CGNL1: variants seen among roughly 807,000 people sequenced by gnomAD.
CGNL1 encodes cingulin like 1.
In CGNL1, 132 loss-of-function variants were observed where a neutral mutation model predicts 141.2. That is an observed-to-expected ratio of 0.93 (90% confidence interval 0.81 to 1.08). The LOEUF (loss-of-function observed/expected upper bound fraction) is 1.08, where lower values mean the gene tolerates loss of function less well. Among genes scored for constraint, CGNL1 ranks in the 50% least tolerant of loss-of-function variants. CGNL1 has a pLI of 0.00. For missense variants in CGNL1, 1,870 were observed against 1,588.6 expected, an observed-to-expected ratio of 1.18 and a Z score of -3.01; for synonymous variants, 690 against 622.1, an observed-to-expected ratio of 1.11 and a Z score of -1.63.
chr15:57,397,791 T>A (rs2062618499), intron 1 of CGNL1, among the ~76,000 whole-genome samples: 1 of 151,838 alleles, frequency 6.6e-6, no homozygotes, highest in South Asian at 2.1e-4. Context: ...TTCCTCTTTT[T>A]TTTTTTTTGG....
chr15:57,446,476 A>T (rs572454246), intron 4 of CGNL1, among the ~76,000 whole-genome samples: 4 of 152,166 alleles, frequency 2.6e-5, no homozygotes, highest in Non-Finnish European at 5.9e-5. Flanking sequence ...TATGTATTAT[A>T]ATAAGTATTC....
At chr15:57,539,659 T>A (rs1330517370) in intron 14 of CGNL1, among the ~76,000 whole-genome samples, 1 of 152,224 alleles carries the variant, frequency 6.6e-6, no homozygotes, top group Non-Finnish European at 1.5e-5. Context: ...AGAAGCAAAC[T>A]TGGTTCTTGT....
In CGNL1 at chr15:57,438,699, T is replaced by G. The variant is rs2063141021; in HGVS notation, c.700T>G (p.Cys234Gly). The change falls in exon 2 of 19, where the codon TGT (cysteine) becomes GGT (glycine). Residue 234 changes from cysteine (C) to glycine (G), a missense_variant. Transcript: ENST00000281282. ...GGACCCCAAAAAGCAGACCTCAGTGTGTGTAAACGTTCAGAGCTGCACCAA... is the reference window on the plus strand; with the variant it reads ...GGACCCCAAAAAGCAGACCTCAGTGGGTGTAAACGTTCAGAGCTGCACCAA... ...IEDPKKQTSV[C>G]VNVQSCTKER... 1 of 1,614,022 alleles carries G rather than the reference T, an allele frequency of 6.2e-7. No homozygotes were observed. The highest frequency in any genetic ancestry group is 1.7e-5 in the Admixed American group (1 of 59,996).
rs550834869 is a variant in CGNL1 at position 57,471,660 on chromosome 15, G to A, written c.2403+9768G>A. 2.8e-4 allele frequency among the ~76,000 whole-genome samples: 42 copies of A among 152,332 alleles called. No homozygotes were observed. The East Asian group carries it at 8.1e-3, about 29-fold the overall frequency. On this transcript the variant is annotated intron_variant, in intron 8 of 18. Transcript: ENST00000281282. ...GGGGGGCCTCCTGCTCACCGATGGA[G>A]TGAGGAGGGCCCTTGCCTGTTTCCC...
intron 13 of CGNL1, among the ~76,000 whole-genome samples, chr15:57,531,270 C>G (rs2031937375): frequency 1.3e-5 from 2 of 152,202 alleles, no homozygotes; most frequent in Admixed American, 1.3e-4. Flanking sequence ...TCCTGCAAGG[C>G]TCTTGCAGAC....
At chr15:57,384,594 G>A (rs1326082023) in intron 1 of CGNL1, among the ~76,000 whole-genome samples, 2 of 152,130 alleles carry the variant, frequency 1.3e-5, no homozygotes, top group Non-Finnish European at 2.9e-5. Flanking sequence ...ATTATTGATA[G>A]CCTGTATATG....
chr15:57,389,631 A>G (rs892455913), intron 1 of CGNL1, among the ~76,000 whole-genome samples: 39 of 152,182 alleles, frequency 2.6e-4, no homozygotes, highest in African/African-American at 8.9e-4. Flanking sequence ...CCTTATGTAT[A>G]GGAGTGCTCT....
intron 4 of CGNL1, among the ~76,000 whole-genome samples, chr15:57,443,229 T>C (rs2063212309): frequency 6.6e-6 from 1 of 152,174 alleles, no homozygotes; most frequent in Admixed American, 6.5e-5. Context: ...TGTGCTGAAT[T>C]TGAGTGGGGA....
At chr15:57,475,405 A>C (rs1478141618) in intron 8 of CGNL1, among the ~76,000 whole-genome samples, 1 of 152,174 alleles carries the variant, frequency 6.6e-6, no homozygotes, top group Non-Finnish European at 1.5e-5. Context: ...CCTGCAAGAA[A>C]GGACAGTCCC....
chr15:57,423,144 T>C (rs1375983994), intron 1 of CGNL1, among the ~76,000 whole-genome samples: 1 of 152,182 alleles, frequency 6.6e-6, no homozygotes, highest in Non-Finnish European at 1.5e-5. Flanking sequence ...CTGCAACTGG[T>C]TTTTGTTAAA....
chr15:57,384,849 G>T (rs556263591), intron 1 of CGNL1, among the ~76,000 whole-genome samples: 2 of 152,286 alleles, frequency 1.3e-5, no homozygotes, highest in African/African-American at 4.8e-5. Context: ...TATTTCCTCT[G>T]TCTCTAGCAG....
chr15:57,415,083 C>G (rs559744281), intron 1 of CGNL1, among the ~76,000 whole-genome samples: 3 of 152,164 alleles, frequency 2.0e-5, no homozygotes, highest in Non-Finnish European at 2.9e-5. Flanking sequence ...AGGTAGAACT[C>G]GGACAACTGA....
intron 12 of CGNL1, among the ~76,000 whole-genome samples, chr15:57,527,885 A>G (rs1318725498): frequency 6.6e-6 from 1 of 152,232 alleles, no homozygotes; most frequent in Non-Finnish European, 1.5e-5. Context: ...TGATACAGGT[A>G]GACAATAAAT....
intron 8 of CGNL1, among the ~76,000 whole-genome samples, chr15:57,492,346 A>T (rs2063877123): frequency 1.3e-5 from 2 of 152,166 alleles, no homozygotes; most frequent in Non-Finnish European, 2.9e-5. Context: ...ACATTTCAGG[A>T]TTACACTCCA....
chr15:57,386,672 C>G (rs755235583), intron 1 of CGNL1, among the ~76,000 whole-genome samples: 18 of 152,158 alleles, frequency 1.2e-4, no homozygotes, highest in Non-Finnish European at 2.4e-4. Flanking sequence ...ACCTCAGTTT[C>G]CTCACCTGTA....
intron 3 of CGNL1, among the ~76,000 whole-genome samples, chr15:57,442,001 C>T (rs553882234): frequency 5.3e-5 from 8 of 151,914 alleles, no homozygotes; most frequent in East Asian, 3.9e-4. Context: ...TATACACATA[C>T]GCACTTCAAA....
chr15:57,513,163 T>G (rs2152402265), intron 8 of CGNL1, among the ~76,000 whole-genome samples: 1 of 152,140 alleles, frequency 6.6e-6, no homozygotes, highest in African/African-American at 2.4e-5. Flanking sequence ...TCCCTCCCTG[T>G]ACCTCCCTGT....
intron 11 of CGNL1, 100 bp downstream of exon 11, chr15:57,523,741 G>A (rs901521988): frequency 7.8e-6 from 10 of 1,282,256 alleles, no homozygotes; most frequent in East Asian, 7.0e-5. Context: ...CCTGCAGTAG[G>A]TCTAAGCACA....
At position 57,548,912 on chromosome 15, in the gene CGNL1, G is replaced by C. The variant is rs117051327; in HGVS notation, c.*1422G>C. The C allele has an allele frequency of 0.016, 2,433 of 152,700 alleles. 38 individuals carry two copies. The highest frequency in any genetic ancestry group is 0.037 in the Middle Eastern group (11 of 296). 9.5% of individuals were successfully genotyped at this position (152,700 alleles called of 1,614,324 possible). A position where few individuals can be genotyped will look rare whatever the true frequency, so the allele number is the denominator to read the frequency against. ...GAGAAGTTCTTGAAAGCTGGGGGAT[G>C]TGTGGGCAAGAGGTGGATTGAGCAG... On this transcript the variant is annotated 3_prime_UTR_variant, in exon 19 of 19. Transcript: ENST00000281282.
Sources: allele counts gnomAD v4.1 joint callset (sites outside exome capture counted in the v4.1 genomes callset), GRCh38; gene constraint gnomAD v4.1.1; transcripts MANE v1.5; gene names NCBI Gene and HGNC (gene_info 2026-07-23, HGNC 2026-07-21).